Variants in STX8 observed in about 807,000 individuals in gnomAD.
The protein encoded by STX8 is syntaxin 8.
STX8 carries 23 observed loss-of-function variants against 37.5 expected under a neutral mutation model. The ratio of observed to expected loss-of-function variants is 0.61; its 90% CI spans 0.44 to 0.87. STX8 has a LOEUF of 0.87. STX8 is among the 40% of genes least tolerant of loss of function. STX8 has a pLI of 0.00. For missense variants in STX8, 313 were observed against 284.7 expected (o/e 1.10, Z -0.71); for synonymous variants, 115 against 99.1 (o/e 1.16, Z -0.95).
intron 6 of STX8, among the ~76,000 whole-genome samples, chr17:9,475,714 C>T (rs1810858078): frequency 6.6e-6 from 1 of 152,196 alleles, no homozygotes; most frequent in African/African-American, 2.4e-5. Flanking sequence ...TTGGAGTTCT[C>T]CTTATGTTAT....
rs186586822 is a variant in STX8, at chr17:9,435,038, G to A, written c.542-56385C>T. Among the ~76,000 whole-genome samples, 14 of 152,250 alleles carry A rather than the reference G, an allele frequency of 9.2e-5. No individual in the cohort carries two copies. The South Asian group carries it at 2.9e-3, about 32-fold the overall frequency. On this transcript the variant is annotated intron_variant, in intron 6 of 7. Coordinates refer to ENST00000306357, the MANE Select transcript of STX8 (RefSeq NM_004853.3). ...AGCTGGCTTCTTCACTGCACGCCCT[G>A]TTTTGACCACATCTTTCTCCAATCA...
chr17:9,547,246 C>CAAAAAAAAAAAAAAAAAAAAA (rs11300957), intron 3 of STX8: 10 of 129,648 alleles, frequency 7.7e-5, no homozygotes, highest in African/African-American at 2.7e-4. Context: ...GACTCTGTCT[C>CAAAAAAAAAAAAAAAAAAAAA]AAAAAAAAAA....
At chr17:9,335,699 T>A (rs1364921830) in intron 7 of STX8, among the ~76,000 whole-genome samples, 1 of 152,142 alleles carries the variant, frequency 6.6e-6, no homozygotes, top group East Asian at 1.9e-4. Context: ...TAACCTTCAA[T>A]AAGTTTTTTT....
intron 7 of STX8, among the ~76,000 whole-genome samples, chr17:9,323,561 A>AACGGTGGGATC (rs1364367270): frequency 2.6e-5 from 4 of 152,182 alleles, no homozygotes; most frequent in African/African-American, 9.7e-5. Flanking sequence ...CAATCAGAAG[A>AACGGTGGGATC]ACGGTGGGAT....
At chr17:9,496,655 T>A (rs770265654) in intron 5 of STX8, among the ~76,000 whole-genome samples, 14 of 152,296 alleles carry the variant, frequency 9.2e-5, no homozygotes, top group Non-Finnish European at 1.6e-4. Context: ...ACTTTGCAGA[T>A]GTGATTAAGG....
chr17:9,460,296 T>C (rs970511839), intron 6 of STX8, among the ~76,000 whole-genome samples: 1 of 152,220 alleles, frequency 6.6e-6, no homozygotes, highest in African/African-American at 2.4e-5. Context: ...AACTCTTGGA[T>C]GTTACTATCA....
chr17:9,527,875 G>C (rs1451139522), intron 4 of STX8, among the ~76,000 whole-genome samples: 1 of 152,102 alleles, frequency 6.6e-6, no homozygotes, highest in Non-Finnish European at 1.5e-5. Flanking sequence ...CCACTTTGAG[G>C]ACTCTATTGC....
In STX8 at chr17:9,514,414, G is replaced by A. The variant is rs755290747; in HGVS notation, c.324-9252C>T. The stretch of plus-strand genomic sequence containing the variant: ...GAGGTCAGGAGTTCCAGACCAGCCC[G>A]GCCAACATGGTAAAACCCTGTCTCT... On this transcript the variant is annotated intron_variant, in intron 4 of 7. Coordinates refer to ENST00000306357, the MANE Select transcript of STX8 (RefSeq NM_004853.3). 5.3e-5 allele frequency among the ~76,000 whole-genome samples: 8 copies of A among 152,046 alleles called. No individual in the cohort carries two copies. The East Asian group carries it at 5.8e-4, about 11-fold the overall frequency.
intron 5 of STX8, among the ~76,000 whole-genome samples, chr17:9,497,773 CTA>C (rs1403540609): frequency 2.0e-5 from 3 of 152,208 alleles, no homozygotes; most frequent in African/African-American, 7.2e-5. Context: ...TCTTCTTTTT[CTA>C]TGTCTTTGCC....
At chr17:9,453,691 C>T (rs1332871965) in intron 6 of STX8, among the ~76,000 whole-genome samples, 2 of 151,934 alleles carry the variant, frequency 1.3e-5, no homozygotes, top group Non-Finnish European at 2.9e-5. Context: ...CAGGGTTTCA[C>T]CATGTTGGCC....
chr17:9,255,921 C>T (rs781741977), intron 7 of STX8, among the ~76,000 whole-genome samples: 26 of 152,162 alleles, frequency 1.7e-4, no homozygotes, highest in Non-Finnish European at 2.5e-4. Flanking sequence ...TGGCTTTCTT[C>T]GAATGTGATC....
chr17:9,553,110 A>G (rs1431331151), intron 3 of STX8: 1 of 152,204 alleles, frequency 6.6e-6, no homozygotes, highest in African/African-American at 2.4e-5. Flanking sequence ...AGCCAACTCT[A>G]AGAAGATGGT....
chr17:9,544,275 CAG>C (rs1365223293), intron 4 of STX8, among the ~76,000 whole-genome samples: 2 of 152,128 alleles, frequency 1.3e-5, no homozygotes, highest in African/African-American at 4.8e-5. Context: ...GTTCTAGAAA[CAG>C]GGGGAGGCCA....
intron 7 of STX8, among the ~76,000 whole-genome samples, chr17:9,332,781 G>A (rs982267574): frequency 2.6e-5 from 4 of 151,970 alleles, no homozygotes; most frequent in African/African-American, 9.7e-5. Flanking sequence ...TTACTATCTC[G>A]ATTCCCTCCC....
At chr17:9,561,822 G>T (rs1742789803) in intron 2 of STX8, among the ~76,000 whole-genome samples, 1 of 151,754 alleles carries the variant, frequency 6.6e-6, no homozygotes, top group Non-Finnish European at 1.5e-5. Context: ...TGTTCAAAAG[G>T]CTTAAAATGT....
intron 5 of STX8, among the ~76,000 whole-genome samples, chr17:9,494,929 T>C (rs1021370252): frequency 6.6e-6 from 1 of 152,214 alleles, no homozygotes; most frequent in Non-Finnish European, 1.5e-5. Flanking sequence ...ACACGCCGCA[T>C]GAAGGTAACA....
chr17:9,513,504 A>G (rs1905084617), intron 4 of STX8, among the ~76,000 whole-genome samples: 1 of 152,184 alleles, frequency 6.6e-6, no homozygotes, highest in African/African-American at 2.4e-5. Flanking sequence ...TAGAATGGCT[A>G]TCATCAAAAA....
At chr17:9,372,778 CATTT>C (rs1911453682) in intron 7 of STX8, among the ~76,000 whole-genome samples, 1 of 81,464 alleles carries the variant, frequency 1.2e-5, no homozygotes, top group South Asian at 5.6e-4. Context: ...GCCCAGCCCT[CATTT>C]TTTTTTTTTT....
At chr17:9,335,824 CACACGTAG>C (rs890269011) in intron 7 of STX8, among the ~76,000 whole-genome samples, 1 of 53,788 alleles carries the variant, frequency 1.9e-5, no homozygotes, top group South Asian at 1.3e-3. Context: ...CACACACACA[CACACGTAG>C]ACACACACAC....
Sources: allele counts gnomAD v4.1 joint callset (sites outside exome capture counted in the v4.1 genomes callset), GRCh38; gene constraint gnomAD v4.1.1; transcripts MANE v1.5; gene names NCBI Gene and HGNC (gene_info 2026-07-23, HGNC 2026-07-21).